LPAR1: variants seen among roughly 807,000 people sequenced by gnomAD.
LPAR1 encodes the protein lysophosphatidic acid receptor 1.
Under a neutral mutation model 23.8 loss-of-function variants are expected in LPAR1, and 5 were observed. The observed-to-expected ratio is 0.21, with a 90% CI of 0.11 to 0.44. The LOEUF (loss-of-function observed/expected upper bound fraction) is 0.44, where lower values mean the gene tolerates loss of function less well. Among genes scored for constraint, LPAR1 ranks in the 20% least tolerant of loss-of-function variants. LPAR1 has a pLI of 0.99. For missense variants in LPAR1, 311 were observed against 482.8 expected, an observed-to-expected ratio of 0.64 and a Z score of 3.33; for synonymous variants, 160 against 164.7, an observed-to-expected ratio of 0.97 and a Z score of 0.22.
chr9:110,956,485 A>C (rs998950659), intron 4 of LPAR1, among the ~76,000 whole-genome samples: 7 of 144,548 alleles, frequency 4.8e-5, no homozygotes, highest in Admixed American at 3.5e-4. Context: ...AATAGACTTT[A>C]AAAGACAATA....
intron 2 of LPAR1, among the ~76,000 whole-genome samples, chr9:111,007,226 AT>A (rs1311446299): frequency 1.3e-5 from 2 of 152,122 alleles, no homozygotes; most frequent in Non-Finnish European, 2.9e-5. Flanking sequence ...AGCCAATTAA[AT>A]TTCTTTTCTT....
At chr9:110,943,756 A>T (rs1277410579) in intron 4 of LPAR1, among the ~76,000 whole-genome samples, 1 of 151,456 alleles carries the variant, frequency 6.6e-6, no homozygotes, top group Non-Finnish European at 1.5e-5. Context: ...GCTACTCAGG[A>T]GGCTGAAGCA....
intron 5 of LPAR1, among the ~76,000 whole-genome samples, chr9:110,905,518 T>TTAC (rs1225048121): frequency 1.3e-5 from 2 of 151,588 alleles, no homozygotes; most frequent in Non-Finnish European, 2.9e-5. Flanking sequence ...AGCTAATTTT[T>TTAC]TATTATTATT....
chr9:110,951,975 G>A (rs181135407), intron 4 of LPAR1, among the ~76,000 whole-genome samples: 100 of 152,348 alleles, frequency 6.6e-4, no homozygotes, highest in African/African-American at 2.3e-3. Flanking sequence ...GATGCATGCA[G>A]TACATTATTC....
chr9:110,978,787 G>A (rs530299767), intron 2 of LPAR1, among the ~76,000 whole-genome samples: 1 of 152,232 alleles, frequency 6.6e-6, no homozygotes, highest in East Asian at 1.9e-4. Flanking sequence ...TTTAACAATA[G>A]TAACATCGAG....
chr9:111,014,876 C>T (rs898703182), intron 2 of LPAR1, among the ~76,000 whole-genome samples: 1 of 151,842 alleles, frequency 6.6e-6, no homozygotes, highest in Non-Finnish European at 1.5e-5. Context: ...AAACTGTGTC[C>T]CCCCGAGAAA....
rs186983619 is a variant in LPAR1 at position 110,975,392 on chromosome 9, C to T, written c.-181-1834G>A. Among the ~76,000 whole-genome samples the T allele has an allele frequency of 3.9e-5, 6 of 152,240 alleles. No individual in the cohort carries two copies. The East Asian group carries it at 1.2e-3, about 29-fold the overall frequency. ...TGCTGAGCTTTGGAGCAGTCATTTC[C>T]CCAACAGTTTGAGGCAGATACTATT... On this transcript the variant is annotated intron_variant, in intron 2 of 5. Transcript: ENST00000683809.
rs527275105 is a variant in LPAR1, at chr9:110,998,859, T to C, written c.-181-25301A>G. The stretch of plus-strand genomic sequence containing the variant: ...TACCGGAAAGGCAATATCTAATGCA[T>C]AGATAGATTTCTTAAGTTATCAAAT... On this transcript the variant is annotated intron_variant, in intron 2 of 5. Coordinates refer to ENST00000683809, the MANE Select transcript of LPAR1 (RefSeq NM_001351411.2). Among the ~76,000 whole-genome samples, 40 of 152,314 alleles carry C rather than the reference T, an allele frequency of 2.6e-4. No individual in the cohort carries two copies. In the South Asian group the frequency reaches 4.3e-3, roughly 17 times the overall value.
At chr9:110,971,959 G>A in intron 4 of LPAR1, 114 bp downstream of exon 4, 1 of 879,432 alleles carries the variant, frequency 1.1e-6, no homozygotes, top group Non-Finnish European at 1.9e-6. Context: ...CACACCAAAT[G>A]ATAGCGAGAG....
chr9:111,006,315 A>G (rs537037786), intron 2 of LPAR1, among the ~76,000 whole-genome samples: 2 of 152,320 alleles, frequency 1.3e-5, no homozygotes, highest in South Asian at 4.1e-4. Flanking sequence ...TTCCTAGTCA[A>G]TCCCACACAT....
At chr9:110,940,529 A>G (rs988381698) in intron 5 of LPAR1, among the ~76,000 whole-genome samples, 28 of 152,222 alleles carry the variant, frequency 1.8e-4, no homozygotes, top group Non-Finnish European at 3.2e-4. Context: ...TTTTCAAAAA[A>G]GATTTTTTAA....
chr9:110,915,022 C>A (rs917986813), intron 5 of LPAR1, among the ~76,000 whole-genome samples: 1 of 152,004 alleles, frequency 6.6e-6, no homozygotes, highest in East Asian at 1.9e-4. Context: ...TTTGTGCAAG[C>A]TGCATGCACT....
chr9:110,944,941 G>T (rs998995677), intron 4 of LPAR1, among the ~76,000 whole-genome samples: 2 of 152,108 alleles, frequency 1.3e-5, no homozygotes, highest in Admixed American at 6.5e-5. Flanking sequence ...TTCTGGATAA[G>T]AACGCTATAT....
intron 2 of LPAR1, among the ~76,000 whole-genome samples, chr9:111,023,343 C>T (rs571262005): frequency 1.3e-5 from 2 of 152,264 alleles, no homozygotes; most frequent in African/African-American, 4.8e-5. Context: ...CACGCACACA[C>T]CCCTGCTCAG....
chr9:110,983,540 G>T (rs2139145771), intron 2 of LPAR1, among the ~76,000 whole-genome samples: 1 of 152,088 alleles, frequency 6.6e-6, no homozygotes, highest in South Asian at 2.1e-4. Flanking sequence ...CGGGGTTTCA[G>T]TTTTACAAGA....
chr9:110,926,864 C>G (rs1302196344), intron 5 of LPAR1, among the ~76,000 whole-genome samples: 1 of 152,168 alleles, frequency 6.6e-6, no homozygotes, highest in African/African-American at 2.4e-5. Flanking sequence ...TGAGCAAGGA[C>G]AGGTTGAATG....
chr9:110,875,654 C>T lies in LPAR1; in HGVS notation c.862G>A (p.Asp288Asn), dbSNP rs145823038. The T allele has an allele frequency of 1.9e-4, 305 of 1,613,990 alleles. No homozygotes were observed. The African/African-American group carries it at 2.9e-3, about 16-fold the overall frequency. Reference protein sequence around the residue: ...LLLDVCCPQCDVLAYEKFFLL... With the variant: ...LLLDVCCPQCNVLAYEKFFLL... Reference sequence around the variant, plus strand: ...AAGAATTTCTCATAGGCCAGCACGTCGCACTGTGGACAGCACACGTCTAGA... The same window carrying T: ...AAGAATTTCTCATAGGCCAGCACGTTGCACTGTGGACAGCACACGTCTAGA... The change falls in exon 6 of 6, where the codon GAC becomes AAC. Residue 288 changes from aspartate (D) to asparagine (N), a missense_variant. Asp to Asn is a conservative substitution (Grantham distance 23). Coordinates refer to ENST00000683809, the MANE Select transcript of LPAR1 (RefSeq NM_001351411.2).
chr9:110,892,852 G>GGCAC (rs2084950622), intron 5 of LPAR1, among the ~76,000 whole-genome samples: 1 of 113,662 alleles, frequency 8.8e-6, no homozygotes, highest in Non-Finnish European at 2.0e-5. Flanking sequence ...CAGGCAGGCA[G>GGCAC]GCAGGCAGGC....
chr9:111,034,970 C>T (rs1271152181), intron 2 of LPAR1, among the ~76,000 whole-genome samples: 2 of 152,152 alleles, frequency 1.3e-5, no homozygotes, highest in Non-Finnish European at 2.9e-5. Flanking sequence ...TGAATCAAAA[C>T]GTAATTCTCC....
Sources: gnomAD v4.1 joint callset for allele counts (sites outside exome capture counted in the v4.1 genomes callset) on GRCh38, gnomAD v4.1.1 for gene constraint, MANE v1.5 for transcripts, NCBI Gene and HGNC (gene_info 2026-07-23, HGNC 2026-07-21) for gene names.